The following ADARB2 variants were observed in gnomAD, a reference collection of about 807,000 sequenced individuals.
ADARB2 encodes the protein inactive double-stranded RNA-specific editase B2.
Under a neutral mutation model 62.2 loss-of-function variants are expected in ADARB2, and 25 were observed. That is an observed-to-expected ratio of 0.40 (90% CI 0.29 to 0.56). The LOEUF is 0.56. Among genes scored for constraint, ADARB2 ranks in the 20% least tolerant of loss-of-function variants. ADARB2 has a pLI of 0.43. For synonymous variants in ADARB2, 572 were observed against 500.8 expected (o/e 1.14, Z -1.90); for missense variants, 1,071 against 1,077.4 (o/e 0.99, Z 0.08).
At chr10:1,522,685 C>T (rs1016318003) in intron 1 of ADARB2, among the ~76,000 whole-genome samples, 2 of 152,228 alleles carry the variant, frequency 1.3e-5, no homozygotes, top group African/African-American at 4.8e-5. Context: ...AGCAATCATT[C>T]CTCTCCTTCT....
At chr10:1,472,373 G>A (rs1487585541) in intron 1 of ADARB2, among the ~76,000 whole-genome samples, 1 of 152,016 alleles carries the variant, frequency 6.6e-6, no homozygotes, top group Non-Finnish European at 1.5e-5. Context: ...CCATAGGGGC[G>A]AGGGCCACGC....
rs1406782190 is a variant in ADARB2 at position 1,721,892 on chromosome 10, G to C, written c.100+15159C>G. Among the ~76,000 whole-genome samples the C allele has an allele frequency of 5.3e-5, 8 of 152,174 alleles. No homozygotes were observed. In the East Asian group the frequency reaches 1.5e-3, roughly 29 times the overall value. On this transcript the variant is annotated intron_variant, in intron 1 of 9. Transcript: ENST00000381312. ...TCTGCCCCCTTGTCGAAGTTCAGCG[G>C]CATGAGAGCACCCCTCATTCCTGGT... is the stretch of plus-strand genomic sequence containing the variant.
At chr10:1,652,744 T>C (rs1834126495) in intron 1 of ADARB2, among the ~76,000 whole-genome samples, 1 of 152,166 alleles carries the variant, frequency 6.6e-6, no homozygotes, top group Non-Finnish European at 1.5e-5. Flanking sequence ...GGAAGGCTCA[T>C]TACCCATTTT....
At chr10:1,419,833 T>A (rs2131884243) in intron 1 of ADARB2, among the ~76,000 whole-genome samples, 2 of 152,342 alleles carry the variant, frequency 1.3e-5, no homozygotes, top group Middle Eastern at 3.4e-3. Flanking sequence ...AGCTCTCACA[T>A]CTCTGCATAT....
chr10:1,199,619 G>A (rs1356308847), intron 8 of ADARB2: 2 of 221,242 alleles, frequency 9.0e-6, no homozygotes, highest in Non-Finnish European at 1.7e-5. Context: ...TCCTGTGGGC[G>A]GCCAGGTGGG....
At chr10:1,228,838 C>T (rs1244978292) in intron 6 of ADARB2, among the ~76,000 whole-genome samples, 2 of 152,226 alleles carry the variant, frequency 1.3e-5, no homozygotes, top group Non-Finnish European at 2.9e-5. Context: ...GCTACCAGGC[C>T]GTCCATGCCT....
chr10:1,332,545 A>G (rs1415483961), intron 3 of ADARB2, among the ~76,000 whole-genome samples: 1 of 149,088 alleles, frequency 6.7e-6, no homozygotes, highest in Non-Finnish European at 1.5e-5. Flanking sequence ...ATATTACAGT[A>G]AAGAATGGCA....
chr10:1,450,649 C>T (rs371693144), intron 1 of ADARB2, among the ~76,000 whole-genome samples: 9 of 152,326 alleles, frequency 5.9e-5, no homozygotes, highest in South Asian at 2.1e-4. Context: ...AGCTATTTGA[C>T]GAGGATCTGA....
chr10:1,479,261 C>A (rs1831439296), intron 1 of ADARB2, among the ~76,000 whole-genome samples: 1 of 152,170 alleles, frequency 6.6e-6, no homozygotes, highest in African/African-American at 2.4e-5. Flanking sequence ...CAGACCAGAA[C>A]CCAGGCAAGG....
At chr10:1,204,040 CT>C (rs1837018692) in intron 7 of ADARB2, among the ~76,000 whole-genome samples, 1 of 152,156 alleles carries the variant, frequency 6.6e-6, no homozygotes, top group Non-Finnish European at 1.5e-5. Context: ...CTGTATCTAC[CT>C]TTCACGGCAT....
chr10:1,245,011 A>G (rs964687478), intron 4 of ADARB2, among the ~76,000 whole-genome samples: 5 of 152,274 alleles, frequency 3.3e-5, no homozygotes, highest in Admixed American at 2.0e-4. Context: ...ACCAATAGAC[A>G]ATGGGAGCTG....
chr10:1,435,189 G>A (rs938327807), intron 1 of ADARB2, among the ~76,000 whole-genome samples: 5 of 152,204 alleles, frequency 3.3e-5, no homozygotes, highest in Non-Finnish European at 7.3e-5. Flanking sequence ...AGGTTACGGG[G>A]AAGGTGGTGC....
At chr10:1,660,205 C>G (rs117119005) in intron 1 of ADARB2, among the ~76,000 whole-genome samples, 1 of 152,236 alleles carries the variant, frequency 6.6e-6, no homozygotes, top group East Asian at 1.9e-4. Context: ...TCCCTGTGAC[C>G]GAGCCTGTGC....
intron 1 of ADARB2, among the ~76,000 whole-genome samples, chr10:1,635,021 A>ATT (rs1236923800): frequency 1.3e-5 from 2 of 152,224 alleles, no homozygotes; most frequent in Non-Finnish European, 2.9e-5. Flanking sequence ...ATAAACTTAA[A>ATT]TATTTCTCTG....
intron 1 of ADARB2, among the ~76,000 whole-genome samples, chr10:1,413,676 C>G (rs927749083): frequency 6.6e-6 from 1 of 152,128 alleles, no homozygotes; most frequent in South Asian, 2.1e-4. Flanking sequence ...CCCCTGGGGC[C>G]GGGCCTTCTG....
chr10:1,344,184 C>T (rs185641544), intron 3 of ADARB2, among the ~76,000 whole-genome samples: 58 of 152,266 alleles, frequency 3.8e-4, no homozygotes, highest in African/African-American at 1.3e-3. Context: ...CGGACAGGGT[C>T]AATGTTTCTA....
chr10:1,412,742 C>T (rs571295719), intron 1 of ADARB2, among the ~76,000 whole-genome samples: 6 of 152,248 alleles, frequency 3.9e-5, no homozygotes, highest in South Asian at 4.2e-4. Flanking sequence ...TGTGGGGGCA[C>T]GGCTTTCGGG....
chr10:1,432,712 G>T (rs567969338), intron 1 of ADARB2, among the ~76,000 whole-genome samples: 1 of 151,872 alleles, frequency 6.6e-6, no homozygotes, highest in South Asian at 2.1e-4. Flanking sequence ...TGCTTAATAT[G>T]AATATGCTTA....
intron 3 of ADARB2, among the ~76,000 whole-genome samples, chr10:1,303,791 G>T (rs1328539479): frequency 6.6e-6 from 1 of 152,042 alleles, no homozygotes. Context: ...ATAAGTGAAG[G>T]AGAAATAAAA....
Sources: gnomAD v4.1 joint callset for allele counts (sites outside exome capture counted in the v4.1 genomes callset) on GRCh38, gnomAD v4.1.1 for gene constraint, MANE v1.5 for transcripts, NCBI Gene and HGNC (gene_info 2026-07-23, HGNC 2026-07-21) for gene names.